The following KCNQ2 variants were observed in gnomAD, a reference collection of about 807,000 sequenced individuals.
KCNQ2 encodes the protein potassium voltage-gated channel subfamily KQT member 2.
KCNQ2 carries 14 observed loss-of-function variants against 84.8 expected under a neutral mutation model. The observed-to-expected ratio is 0.17, with a 90% confidence interval of 0.11 to 0.26. KCNQ2 has a LOEUF of 0.26. Ranked by LOEUF, KCNQ2 falls within the 10% of genes least tolerant of loss-of-function variation. The pLI is 1.00. For missense variants in KCNQ2, 788 were observed against 1,254.0 expected, an observed-to-expected ratio of 0.63 and a Z score of 5.61; for synonymous variants, 599 against 554.1, an observed-to-expected ratio of 1.08 and a Z score of -1.14.
intron 4 of KCNQ2, among the ~76,000 whole-genome samples, chr20:63,444,182 G>A (rs955360366): frequency 1.3e-5 from 2 of 152,216 alleles, no homozygotes; most frequent in African/African-American, 4.8e-5. Flanking sequence ...ATGGGGTCTC[G>A]GTCACTGGGG....
At chr20:63,445,393 T>G (rs777733047) in intron 2 of KCNQ2, 29 bp from the exon 3 acceptor site, 2 of 1,611,556 alleles carry the variant, frequency 1.2e-6, no homozygotes, top group Admixed American at 3.3e-5. Flanking sequence ...GAGGCCACCT[T>G]GAGGCCTGGG....
At chr20:63,428,041 A>G (rs1229112822) in intron 10 of KCNQ2, among the ~76,000 whole-genome samples, 1 of 152,190 alleles carries the variant, frequency 6.6e-6, no homozygotes, top group East Asian at 1.9e-4. Context: ...CAGGCACTCG[A>G]GAGGACGACG....
intron 4 of KCNQ2, among the ~76,000 whole-genome samples, 161 bp from the exon 5 acceptor site, chr20:63,442,692 TCACCAC>T (rs1422312060): frequency 2.0e-5 from 1 of 50,128 alleles, no homozygotes; most frequent in Non-Finnish European, 4.0e-5. Context: ...ACCATCACCA[TCACCAC>T]CATCACCATC....
intron 1 of KCNQ2, among the ~76,000 whole-genome samples, chr20:63,451,497 G>A (rs931641442): frequency 8.5e-5 from 13 of 152,138 alleles, no homozygotes; most frequent in Admixed American, 5.9e-4. Context: ...CACGTAGCTC[G>A]TGGCTTTTGT....
chr20:63,409,306 C>T (rs1355703173), intron 15 of KCNQ2, among the ~76,000 whole-genome samples: 3 of 152,196 alleles, frequency 2.0e-5, no homozygotes, highest in East Asian at 1.9e-4. Flanking sequence ...AGAGTGTGCA[C>T]GTTTGCGTGT....
intron 15 of KCNQ2, chr20:63,412,066 T>C: frequency 1.8e-6 from 1 of 558,974 alleles, no homozygotes; most frequent in East Asian, 3.3e-5. Flanking sequence ...CCTTCCCGTG[T>C]TTCAAGCAAA....
At chr20:63,447,100 A>AC (rs2081453006) in intron 1 of KCNQ2, among the ~76,000 whole-genome samples, 1 of 144,406 alleles carries the variant, frequency 6.9e-6, no homozygotes, top group Non-Finnish European at 1.5e-5. Context: ...TCCAGGACGC[A>AC]CCCCCCTCTC....
At chr20:63,447,112 A>G (rs1172498279) in intron 1 of KCNQ2, among the ~76,000 whole-genome samples, 5 of 138,940 alleles carry the variant, frequency 3.6e-5, no homozygotes, top group South Asian at 4.7e-4. Flanking sequence ...CCCCCTCTCC[A>G]CTCTGGCCCC....
Position 63,446,379 on chromosome 20 carries a change from C to A in KCNQ2, c.387+368G>T, listed in dbSNP as rs1600794730. 6.6e-6 allele frequency among the ~76,000 whole-genome samples: 1 copy of A among 152,232 alleles called. No homozygotes were observed. Among genetic ancestry groups the A allele is most frequent in the African/African-American group, 2.4e-5 (1 of 41,458 alleles). On this transcript the variant is annotated intron_variant, in intron 2 of 16. Transcript: ENST00000359125. The surrounding 1 kb of genome is among the most constrained non-coding windows in gnomAD (Gnocchi z 5.5). ...CACAGGGTTGCTGCAAGCGTCACAG[C>A]CCCCACCCCGACGCCCACGTCTGCC...
intron 7 of KCNQ2, among the ~76,000 whole-genome samples, chr20:63,434,969 C>T (rs1053972084): frequency 1.3e-5 from 2 of 152,220 alleles, no homozygotes; most frequent in African/African-American, 4.8e-5. Context: ...ATGGCCGGGT[C>T]ACGTGACAAC....
chr20:63,415,488 G>A (rs1169074778), intron 12 of KCNQ2, among the ~76,000 whole-genome samples: 2 of 132,842 alleles, frequency 1.5e-5, no homozygotes, highest in East Asian at 4.2e-4. Flanking sequence ...AGGGAGGGGA[G>A]GCCACGGGGA....
Position 63,451,964 on chromosome 20 carries a change from G to A in KCNQ2, c.297-5127C>T, listed in dbSNP as rs548834936. ...ATCTGCCCCGGGAAGGACCACGGCCGTGCTTCAGAAGCACCCGGGACCACA... is the reference window on the plus strand; with the variant it reads ...ATCTGCCCCGGGAAGGACCACGGCCATGCTTCAGAAGCACCCGGGACCACA... On this transcript the variant is annotated intron_variant, in intron 1 of 16. Coordinates refer to ENST00000359125, the MANE Select transcript of KCNQ2 (RefSeq NM_172107.4). 7.2e-5 allele frequency among the ~76,000 whole-genome samples: 11 copies of A among 152,374 alleles called. No individual in the cohort carries two copies. The East Asian group carries it at 7.7e-4, about 11-fold the overall frequency.
chr20:63,467,243 C>T (rs754264086), intron 1 of KCNQ2, among the ~76,000 whole-genome samples: 1 of 152,238 alleles, frequency 6.6e-6, no homozygotes, highest in Non-Finnish European at 1.5e-5. Context: ...ATATTCAAGG[C>T]CCCCACAGGT....
chr20:63,458,830 G>C (rs2081874458), intron 1 of KCNQ2, among the ~76,000 whole-genome samples: 2 of 152,240 alleles, frequency 1.3e-5, no homozygotes, highest in Admixed American at 6.5e-5. Flanking sequence ...AGGCGTCACT[G>C]CACCACCTTC....
intron 1 of KCNQ2, chr20:63,471,250 G>C (rs899934792): frequency 6.6e-6 from 1 of 152,334 alleles, no homozygotes; most frequent in African/African-American, 2.4e-5. Context: ...GCCCTGGCGC[G>C]GGGAGGCTGT....
At chr20:63,451,965 TGCTTCAGAA>T (rs1277160037) in intron 1 of KCNQ2, among the ~76,000 whole-genome samples, 4 of 152,230 alleles carry the variant, frequency 2.6e-5, no homozygotes, top group Admixed American at 2.0e-4. Flanking sequence ...ACCACGGCCG[TGCTTCAGAA>T]GCACCCGGGA....
At position 63,414,193 on chromosome 20, in the gene KCNQ2, T is replaced by G. The variant is rs959219090; in HGVS notation, c.1526A>C (p.Glu509Ala). ...KGAASRQNSE[E>A]ASLPGEDIVD... ...AATGTCCTCTCCGGGGAGGCTTGCT[T>G]CTGGGGGGAAGGAGACAGGCCGTGA... is the stretch of plus-strand genomic sequence containing the variant. The change falls in exon 14 of 17, where the codon GAA becomes GCA. Residue 509 changes from glutamate (E) to alanine (A), a missense_variant and splice_region_variant. This residue lies in a region of KCNQ2 where 202 missense variants were observed against 239.4 expected (regional missense o/e 0.84). Coordinates refer to ENST00000359125, the MANE Select transcript of KCNQ2 (RefSeq NM_172107.4). This position sits in a 1 kb window ranked among gnomAD's most constrained non-coding sequence, Gnocchi z 6.6. 3 of 1,612,174 alleles carry G rather than the reference T, an allele frequency of 1.9e-6. No homozygotes were observed. In the African/African-American group the frequency reaches 4.0e-5, roughly 22 times the overall value.
At chr20:63,472,074 A>C (rs1269243168) in intron 1 of KCNQ2, 94 bp downstream of exon 1, 1 of 975,704 alleles carries the variant, frequency 1.0e-6, no homozygotes, top group African/African-American at 1.7e-5. Context: ...GCAGGGAGCC[A>C]AACCCGCCGC....
In KCNQ2 at chr20:63,472,623, C is replaced by T. The variant is rs2082246448; in HGVS notation, c.-160G>A. 1 of 376,064 alleles carries T rather than the reference C, an allele frequency of 2.7e-6. No homozygotes were observed. Among genetic ancestry groups the T allele is most frequent in the Non-Finnish European group, 3.7e-6 (1 of 270,436 alleles). The allele number at this position is 376,064 out of a possible 1,614,324, so 23.3% of individuals were successfully genotyped here. Reference sequence around the variant, plus strand: ...GCTTGGGCCGCGCGCGGAGACGCTGCGGCCACCTCGCTCCGCGCGCACCTC... The same window carrying T: ...GCTTGGGCCGCGCGCGGAGACGCTGTGGCCACCTCGCTCCGCGCGCACCTC... On this transcript the variant is annotated 5_prime_UTR_variant, in exon 1 of 17. Transcript: ENST00000359125.
Sources: allele counts gnomAD v4.1 joint callset (sites outside exome capture counted in the v4.1 genomes callset), GRCh38; gene constraint gnomAD v4.1.1; regional missense constraint gnomAD v4.1.1; non-coding constraint Gnocchi (gnomAD v3.1); transcripts MANE v1.5; gene names NCBI Gene and HGNC (gene_info 2026-07-23, HGNC 2026-07-21).